The following KCNK13 variants were observed in gnomAD, a reference collection of about 807,000 sequenced individuals.
The protein encoded by KCNK13 is potassium channel subfamily K member 13.
Under a neutral mutation model 23.4 loss-of-function variants are expected in KCNK13, and 12 were observed. That is an observed-to-expected ratio of 0.51 (90% confidence interval 0.33 to 0.83). The LOEUF (loss-of-function observed/expected upper bound fraction) is 0.83. Among genes scored for constraint, KCNK13 ranks in the 40% least tolerant of loss-of-function variants. KCNK13 has a pLI of 0.02. For missense variants in KCNK13, 463 were observed against 556.3 expected (o/e 0.83, Z 1.69); for synonymous variants, 231 against 229.5 (o/e 1.01, Z -0.06).
At chr14:90,160,779 G>A (rs750287844) in intron 1 of KCNK13, among the ~76,000 whole-genome samples, 2 of 151,066 alleles carry the variant, frequency 1.3e-5, no homozygotes, top group African/African-American at 4.9e-5. Flanking sequence ...GGAGGTGGAG[G>A]TTGCAATGAG....
Position 90,062,227 on chromosome 14 carries a change from T to C in KCNK13, c.22T>C (p.Trp8Arg). The C allele has an allele frequency of 7.3e-7, 1 of 1,374,686 alleles. No homozygotes were observed. Among genetic ancestry groups the C allele is most frequent in the Non-Finnish European group, 9.5e-7 (1 of 1,053,160 alleles). 85.2% of individuals were successfully genotyped at this position (1,374,686 alleles called of 1,614,324 possible). A position where few individuals can be genotyped will look rare whatever the true frequency, so the allele number is the denominator to read the frequency against. MAGRGFSWGPGHLNEDNA... is the reference protein window; with the variant it reads MAGRGFSRGPGHLNEDNA... ...GGCCATGGCTGGCCGGGGTTTCAGC[T>C]GGGGCCCGGGCCACCTGAACGAGGA... Residue 8 changes from tryptophan to arginine, a missense_variant, in exon 1 of 2, where the codon TGG becomes CGG. Physicochemically the swap from Trp to Arg is moderately radical, Grantham distance 101. This residue lies in a region of KCNK13 where 153 missense variants were observed against 153.6 expected (regional missense o/e 1.00). Coordinates refer to ENST00000282146, the MANE Select transcript of KCNK13 (RefSeq NM_022054.4). This position sits in a 1 kb window ranked among gnomAD's most constrained non-coding sequence, Gnocchi z 4.5.
intron 1 of KCNK13, among the ~76,000 whole-genome samples, chr14:90,110,217 T>C (rs1889598550): frequency 6.6e-6 from 1 of 151,990 alleles, no homozygotes; most frequent in South Asian, 2.1e-4. Context: ...CAAGACCGCA[T>C]AAAAATGCAC....
chr14:90,183,961 G>A (rs536860558), intron 1 of KCNK13, 150 bp from the exon 2 acceptor site: 14 of 699,520 alleles, frequency 2.0e-5, no homozygotes, highest in African/African-American at 1.8e-4. Context: ...AAAAGCAGGT[G>A]AGAATTCTCC....
In KCNK13 at chr14:90,102,411, A is replaced by G. The variant is rs150873342; in HGVS notation, c.334+39872A>G. On this transcript the variant is annotated intron_variant, in intron 1 of 1. Coordinates refer to ENST00000282146, the MANE Select transcript of KCNK13 (RefSeq NM_022054.4). ...GTAAAATTGAAGCTTAGAAGAATCAAGTAAGAATCTTGCCTGTGCTGCAAT... is the reference window on the plus strand; with the variant it reads ...GTAAAATTGAAGCTTAGAAGAATCAGGTAAGAATCTTGCCTGTGCTGCAAT... Among the ~76,000 whole-genome samples the G allele has an allele frequency of 8.2e-4, 125 of 152,338 alleles. 3 individuals carry two copies. The highest frequency in any genetic ancestry group is 9.8e-4 in the Admixed American group (15 of 15,304).
chr14:90,132,467 C>T (rs1238613440), intron 1 of KCNK13, among the ~76,000 whole-genome samples: 2 of 147,624 alleles, frequency 1.4e-5, no homozygotes, highest in African/African-American at 2.5e-5. Flanking sequence ...TCACTTGAAC[C>T]TAGGAGGCAG....
chr14:90,076,645 C>A (rs1484509610), intron 1 of KCNK13, among the ~76,000 whole-genome samples: 2 of 152,028 alleles, frequency 1.3e-5, no homozygotes, highest in Non-Finnish European at 2.9e-5. Flanking sequence ...TTTATTGAGA[C>A]AGAAGGGAAG....
chr14:90,132,201 A>AT (rs888554548), intron 1 of KCNK13, among the ~76,000 whole-genome samples: 1 of 152,236 alleles, frequency 6.6e-6, no homozygotes, highest in Non-Finnish European at 1.5e-5. Flanking sequence ...AAGAGTGTGT[A>AT]ATTCCATTGA....
intron 1 of KCNK13, among the ~76,000 whole-genome samples, chr14:90,154,237 AC>A (rs113905979): frequency 0.019 from 2,825 of 151,820 alleles, 35 homozygotes; most frequent in African/African-American, 0.026. Flanking sequence ...GTGCTCTCCT[AC>A]CCATAATGCC....
At chr14:90,065,183 T>C (rs1041991869) in intron 1 of KCNK13, among the ~76,000 whole-genome samples, 1 of 152,238 alleles carries the variant, frequency 6.6e-6, no homozygotes, top group Non-Finnish European at 1.5e-5. Context: ...ACTCATATCT[T>C]GCATTTTTAT....
At chr14:90,110,769 G>A (rs987966509) in intron 1 of KCNK13, among the ~76,000 whole-genome samples, 18 of 152,034 alleles carry the variant, frequency 1.2e-4, no homozygotes, top group African/African-American at 3.9e-4. Context: ...AGCACTTTGG[G>A]AGGCCGAGGC....
chr14:90,159,135 G>A (rs998563876), intron 1 of KCNK13, among the ~76,000 whole-genome samples: 7 of 152,186 alleles, frequency 4.6e-5, no homozygotes, highest in African/African-American at 9.7e-5. Flanking sequence ...GCAAAGAGAG[G>A]GTGAGAGAGA....
At chr14:90,064,996 G>C (rs550341832) in intron 1 of KCNK13, among the ~76,000 whole-genome samples, 1 of 152,084 alleles carries the variant, frequency 6.6e-6, no homozygotes, top group Admixed American at 6.5e-5. Flanking sequence ...AAAGCTGAAG[G>C]TTCAGGTTTT....
At chr14:90,109,714 A>T (rs1474169165) in intron 1 of KCNK13, among the ~76,000 whole-genome samples, 209 of 114,614 alleles carry the variant, frequency 1.8e-3, no homozygotes, top group Middle Eastern at 6.9e-3. Context: ...CTGGCCCTTT[A>T]TTTTTTTTTT....
chr14:90,103,735 G>C (rs1409791529), intron 1 of KCNK13, among the ~76,000 whole-genome samples: 1 of 152,082 alleles, frequency 6.6e-6, no homozygotes, highest in Non-Finnish European at 1.5e-5. Context: ...GCTAATTTTT[G>C]TATTTTTAGT....
chr14:90,135,157 C>T (rs1889920805), intron 1 of KCNK13, among the ~76,000 whole-genome samples: 1 of 152,214 alleles, frequency 6.6e-6, no homozygotes, highest in Non-Finnish European at 1.5e-5. Context: ...AAAACACACA[C>T]ATCTCTACTG....
intron 1 of KCNK13, among the ~76,000 whole-genome samples, chr14:90,143,152 T>TTTCC (rs2140429154): frequency 2.8e-4 from 2 of 7,260 alleles, no homozygotes; most frequent in South Asian, 0.032. Flanking sequence ...AGAAACTTTC[T>TTTCC]TTCTTTCTTT....
intron 1 of KCNK13, among the ~76,000 whole-genome samples, chr14:90,145,324 T>C (rs940214524): frequency 1.3e-5 from 2 of 151,790 alleles, no homozygotes; most frequent in African/African-American, 4.8e-5. Flanking sequence ...GCCCAGGAAA[T>C]TGAGGCTGCA....
At chr14:90,108,946 G>T (rs1022850313) in intron 1 of KCNK13, among the ~76,000 whole-genome samples, 44 of 152,262 alleles carry the variant, frequency 2.9e-4, no homozygotes, top group African/African-American at 9.4e-4. Context: ...GGAGGCCGAG[G>T]CAGGCAGATC....
chr14:90,080,193 C>A (rs1202911019), intron 1 of KCNK13, among the ~76,000 whole-genome samples: 1 of 152,148 alleles, frequency 6.6e-6, no homozygotes, highest in African/African-American at 2.4e-5. Context: ...GTGGCTCACA[C>A]CTGTAACCCC....
Sources: gnomAD v4.1 joint callset for allele counts (sites outside exome capture counted in the v4.1 genomes callset) on GRCh38, gnomAD v4.1.1 for gene constraint, gnomAD v4.1.1 regional missense constraint, Gnocchi (gnomAD v3.1) non-coding constraint, MANE v1.5 for transcripts, NCBI Gene and HGNC (gene_info 2026-07-23, HGNC 2026-07-21) for gene names.